The following ESRRG variants were observed in gnomAD, a reference collection of about 807,000 sequenced individuals.
ESRRG encodes the protein estrogen-related receptor gamma.
A neutral mutation model predicts 44.0 loss-of-function variants in ESRRG; 13 were observed. The observed-to-expected ratio is 0.30, with a 90% CI of 0.19 to 0.47. The LOEUF (loss-of-function observed/expected upper bound fraction) is 0.47, where lower values mean the gene tolerates loss of function less well. ESRRG is among the 20% of genes least tolerant of loss of function. The probability of loss-of-function intolerance (pLI) is 1.00; values close to 1 mark genes in which losing one functional copy is unlikely to be tolerated. For synonymous variants in ESRRG, 215 were observed against 214.6 expected (o/e 1.00, Z -0.02); for missense variants, 395 against 580.6 (o/e 0.68, Z 3.29).
intron 2 of ESRRG, among the ~76,000 whole-genome samples, chr1:216,773,975 G>C (rs1469369232): frequency 6.6e-6 from 1 of 152,036 alleles, no homozygotes; most frequent in African/African-American, 2.4e-5. Flanking sequence ...TAATACCTTA[G>C]AGTATGATCT....
At chr1:216,554,450 C>G (rs554083830) in intron 5 of ESRRG, among the ~76,000 whole-genome samples, 2 of 104,352 alleles carry the variant, frequency 1.9e-5, no homozygotes, top group East Asian at 4.8e-4. Context: ...GTGACTCTGT[C>G]TCAAAAAAAA....
intron 3 of ESRRG, among the ~76,000 whole-genome samples, chr1:216,597,123 G>A (rs1573808497): frequency 3.9e-5 from 6 of 152,162 alleles, no homozygotes; most frequent in Admixed American, 3.9e-4. Context: ...AGAGAAATTG[G>A]CTTTACCTGT....
rs1486587245 is a variant in ESRRG, at chr1:216,649,262, C to T, written c.589+1711G>A. ...CCTGGAACATGGGAAGACCTTAGTA[C>T]ATATTCAGCAAAAGGATTACAAACG... On this transcript the variant is annotated intron_variant, in intron 3 of 6. Coordinates refer to ENST00000408911, the MANE Select transcript of ESRRG (RefSeq NM_001438.4). Among the ~76,000 whole-genome samples the T allele has an allele frequency of 2.6e-5, 4 of 152,060 alleles. No individual in the cohort carries two copies. The East Asian group carries it at 7.7e-4, about 29-fold the overall frequency.
At chr1:216,975,502 C>G (rs965544614) in intron 1 of ESRRG, among the ~76,000 whole-genome samples, 1 of 152,178 alleles carries the variant, frequency 6.6e-6, no homozygotes, top group Non-Finnish European at 1.5e-5. Context: ...GCCAATTTGG[C>G]GGAAAATCTT....
chr1:216,643,628 C>T (rs2066900688), intron 3 of ESRRG, among the ~76,000 whole-genome samples: 1 of 152,158 alleles, frequency 6.6e-6, no homozygotes, highest in Admixed American at 6.5e-5. Flanking sequence ...CCTTCTCTAA[C>T]TCACAATCAG....
chr1:216,896,588 G>A lies in ESRRG; in HGVS notation c.-14+42994C>T, dbSNP rs1560023034. On this transcript the variant is annotated intron_variant, in intron 2 of 7. Coordinates refer to the ESRRG transcript ENST00000359162. Reference sequence around the variant, plus strand: ...CAAAGACCATATTCTTTAAATCGCTGAAGCAAAACATGTTTATTCGATTTG... The same window carrying A: ...CAAAGACCATATTCTTTAAATCGCTAAAGCAAAACATGTTTATTCGATTTG... Among the ~76,000 whole-genome samples, 3 of 152,246 alleles carry A rather than the reference G, an allele frequency of 2.0e-5. No homozygotes were observed. In the East Asian group the frequency reaches 5.8e-4, roughly 29 times the overall value.
intron 3 of ESRRG, among the ~76,000 whole-genome samples, chr1:216,613,285 C>T (rs1166508368): frequency 1.3e-5 from 2 of 152,134 alleles, no homozygotes; most frequent in African/African-American, 4.8e-5. Flanking sequence ...GTAATGGTAA[C>T]ATCTTGTAAT....
intron 2 of ESRRG, among the ~76,000 whole-genome samples, chr1:216,784,170 AT>A (rs1174928783): frequency 3.3e-5 from 5 of 151,266 alleles, no homozygotes; most frequent in East Asian, 1.9e-4. Context: ...CTTTTTTTTT[AT>A]GTCTTATTTT....
chr1:216,575,913 C>G (rs1291143603), intron 3 of ESRRG, among the ~76,000 whole-genome samples: 1 of 151,990 alleles, frequency 6.6e-6, no homozygotes. Flanking sequence ...AAGGGCTAGG[C>G]GATTTTGCCT....
intron 1 of ESRRG, among the ~76,000 whole-genome samples, chr1:217,107,911 C>T (rs1458020218): frequency 6.6e-6 from 1 of 151,838 alleles, no homozygotes; most frequent in East Asian, 1.9e-4. Flanking sequence ...TATTTATGTG[C>T]ATATATAGAT....
chr1:216,722,789 G>A (rs544598061), intron 1 of ESRRG, among the ~76,000 whole-genome samples: 1 of 152,300 alleles, frequency 6.6e-6, no homozygotes, highest in African/African-American at 2.4e-5. Context: ...CTCTAACTCT[G>A]CGCGGTAAGA....
chr1:217,055,732 T>C (rs2086948508), intron 1 of ESRRG, among the ~76,000 whole-genome samples: 1 of 143,124 alleles, frequency 7.0e-6, no homozygotes, highest in Admixed American at 7.4e-5. Context: ...TCAGGTACAT[T>C]TACACTACAT....
In ESRRG at chr1:216,779,428, T is replaced by TAAATATAAATAAA. The variant is rs1559606123; in HGVS notation, c.-13-101938_-13-101937insTTTATTTATATTT. On this transcript the variant is annotated intron_variant, in intron 2 of 7. Transcript: ENST00000359162. Reference sequence around the variant, plus strand: ...TATTATAAAATAAATATTTATAAATTTATTTATAAAAATAAATATTTATAA... The same window carrying TAAATATAAATAAA: ...TATTATAAAATAAATATTTATAAATTAAATATAAATAAATATTTATAAAAATAAATATTTATAA... 2.3e-4 allele frequency among the ~76,000 whole-genome samples: 5 copies of TAAATATAAATAAA among 21,668 alleles called. No individual in the cohort carries two copies. The South Asian group carries it at 9.9e-3, about 43-fold the overall frequency. The allele number at this position is 21,668 out of a possible 152,430, so 14.2% of individuals were successfully genotyped here. A position where few individuals can be genotyped will look rare whatever the true frequency, so the allele number is the denominator to read the frequency against.
At chr1:216,792,726 CA>C (rs1273914856) in intron 2 of ESRRG, among the ~76,000 whole-genome samples, 2 of 152,178 alleles carry the variant, frequency 1.3e-5, no homozygotes, top group African/African-American at 4.8e-5. Context: ...AATGCACTCA[CA>C]AAACTTTTTC....
intron 2 of ESRRG, among the ~76,000 whole-genome samples, chr1:216,780,242 G>C (rs965909966): frequency 6.6e-6 from 1 of 151,904 alleles, no homozygotes; most frequent in Non-Finnish European, 1.5e-5. Context: ...CTTAACAAAT[G>C]TAATTTAAAA....
chr1:216,981,558 T>C (rs1428312939), intron 1 of ESRRG, among the ~76,000 whole-genome samples: 1 of 152,230 alleles, frequency 6.6e-6, no homozygotes, highest in South Asian at 2.1e-4. Flanking sequence ...TATTATTTTA[T>C]ATTTAATACT....
intron 2 of ESRRG, among the ~76,000 whole-genome samples, chr1:216,740,898 T>TTATA (rs11572657): frequency 3.5e-4 from 53 of 149,988 alleles, no homozygotes; most frequent in Admixed American, 5.3e-4. Context: ...CAAAATGGGA[T>TTATA]TATATATACA....
chr1:216,749,551 G>A (rs778185561), intron 2 of ESRRG, among the ~76,000 whole-genome samples: 15 of 152,262 alleles, frequency 9.9e-5, no homozygotes, highest in East Asian at 1.9e-4. Context: ...CTCTTTTGTC[G>A]TCAGCTGTTT....
intron 3 of ESRRG, among the ~76,000 whole-genome samples, chr1:216,572,997 A>C (rs2061083721): frequency 6.6e-6 from 1 of 152,106 alleles, no homozygotes; most frequent in Admixed American, 6.5e-5. Context: ...AATATAATAC[A>C]AATTACCAAA....
Sources: allele counts gnomAD v4.1 joint callset (sites outside exome capture counted in the v4.1 genomes callset), GRCh38; gene constraint gnomAD v4.1.1; transcripts MANE v1.5; gene names NCBI Gene and HGNC (gene_info 2026-07-23, HGNC 2026-07-21).